NEGR1: variants seen among roughly 807,000 people sequenced by gnomAD.
The protein encoded by NEGR1 is neuronal growth regulator 1, also known as IgLON family member 4.
NEGR1 carries 10 observed loss-of-function variants against 40.9 expected under a neutral mutation model. That is an observed-to-expected ratio of 0.24 (90% CI 0.15 to 0.42). NEGR1 has a LOEUF of 0.42. Ranked by LOEUF, NEGR1 falls within the 10% of genes least tolerant of loss-of-function variation. The probability of loss-of-function intolerance (pLI) is 1.00; values close to 1 mark genes in which losing one functional copy is unlikely to be tolerated. For missense variants in NEGR1, 352 were observed against 438.9 expected, an observed-to-expected ratio of 0.80 and a Z score of 1.77; for synonymous variants, 185 against 166.8, an observed-to-expected ratio of 1.11 and a Z score of -0.84.
At chr1:71,559,021 A>G (rs357207) in intron 6 of NEGR1, among the ~76,000 whole-genome samples, 13,495 of 82,854 alleles carry the variant, frequency 0.16, 1,473 homozygotes, top group African/African-American at 0.37. Context: ...GTGTGTGTGT[A>G]TATATATATA....
chr1:71,948,015 T>A (rs1258040243), intron 1 of NEGR1, among the ~76,000 whole-genome samples: 1 of 152,162 alleles, frequency 6.6e-6, no homozygotes, highest in Non-Finnish European at 1.5e-5. Context: ...TGAGAATTAT[T>A]ATAATATAAG....
intron 1 of NEGR1, among the ~76,000 whole-genome samples, chr1:72,052,098 G>A (rs1647067337): frequency 6.6e-6 from 1 of 151,402 alleles, no homozygotes; most frequent in Non-Finnish European, 1.5e-5. Flanking sequence ...TCTTGAGAAT[G>A]ATGATAAACT....
intron 1 of NEGR1, among the ~76,000 whole-genome samples, chr1:72,046,167 C>A (rs1647000219): frequency 6.6e-6 from 1 of 151,404 alleles, no homozygotes; most frequent in Non-Finnish European, 1.5e-5. Flanking sequence ...TTAGTCCTAA[C>A]AAATATGAAT....
intron 1 of NEGR1, among the ~76,000 whole-genome samples, chr1:72,057,462 T>C (rs1647122325): frequency 1.3e-5 from 2 of 151,496 alleles, no homozygotes. Flanking sequence ...AATAGCCCTA[T>C]GATTCAATTA....
chr1:71,627,367 T>A (rs1345823211), intron 4 of NEGR1, among the ~76,000 whole-genome samples: 1 of 152,076 alleles, frequency 6.6e-6, no homozygotes, highest in Non-Finnish European at 1.5e-5. Flanking sequence ...TAACTAGGCA[T>A]TAAAATACTA....
intron 6 of NEGR1, among the ~76,000 whole-genome samples, chr1:71,549,379 T>C (rs1294712217): frequency 6.6e-6 from 1 of 151,376 alleles, no homozygotes; most frequent in Non-Finnish European, 1.5e-5. Context: ...GGAAAGAGAG[T>C]GTTATGCACT....
intron 1 of NEGR1, among the ~76,000 whole-genome samples, chr1:72,065,426 T>C (rs1647248975): frequency 6.6e-6 from 1 of 152,106 alleles, no homozygotes; most frequent in African/African-American, 2.4e-5. Context: ...CTCACAGATT[T>C]AGATGTGAAA....
chr1:71,550,360 A>T (rs567182164), intron 6 of NEGR1, among the ~76,000 whole-genome samples: 11 of 151,708 alleles, frequency 7.3e-5, no homozygotes, highest in African/African-American at 2.7e-4. Context: ...TTCCCTTATT[A>T]GGTCCCAGTG....
chr1:71,706,549 C>T (rs1049871847), intron 3 of NEGR1, among the ~76,000 whole-genome samples: 1 of 144,372 alleles, frequency 6.9e-6, no homozygotes, highest in African/African-American at 2.6e-5. Flanking sequence ...CCCCAGGCTG[C>T]CACAGTTGCT....
intron 6 of NEGR1, among the ~76,000 whole-genome samples, chr1:71,409,586 C>A (rs1217002870): frequency 1.3e-5 from 2 of 151,994 alleles, no homozygotes; most frequent in African/African-American, 4.8e-5. Flanking sequence ...TCTTTTGTGT[C>A]ATGATACCAT....
intron 1 of NEGR1, among the ~76,000 whole-genome samples, chr1:72,006,337 CT>C (rs1426483162): frequency 3.3e-5 from 5 of 152,088 alleles, no homozygotes; most frequent in Non-Finnish European, 5.9e-5. Context: ...TAGAAAAGGC[CT>C]TCTGGACCAC....
intron 5 of NEGR1, among the ~76,000 whole-genome samples, chr1:71,597,620 A>T (rs369602376): frequency 3.0e-4 from 46 of 151,418 alleles, no homozygotes; most frequent in African/African-American, 1.1e-3. Flanking sequence ...TCATACTAAA[A>T]ATTTTCAGCA....
chr1:71,417,813 T>G (rs1392895116), intron 6 of NEGR1, among the ~76,000 whole-genome samples: 1 of 152,178 alleles, frequency 6.6e-6, no homozygotes, highest in Non-Finnish European at 1.5e-5. Flanking sequence ...AATGTGTTAG[T>G]GTTTACACAA....
At chr1:71,843,412 G>T (rs1051845118) in intron 2 of NEGR1, among the ~76,000 whole-genome samples, 1 of 152,164 alleles carries the variant, frequency 6.6e-6, no homozygotes, top group Non-Finnish European at 1.5e-5. Flanking sequence ...GAGAACAGAA[G>T]TCGAGGCTAT....
At chr1:72,182,327 C>G (rs1237264071) in intron 1 of NEGR1, among the ~76,000 whole-genome samples, 1 of 152,070 alleles carries the variant, frequency 6.6e-6, no homozygotes, top group Non-Finnish European at 1.5e-5. Flanking sequence ...AACCCTGTCT[C>G]TACTGAAAAT....
chr1:72,069,555 T>G (rs1027375029), intron 1 of NEGR1, among the ~76,000 whole-genome samples: 1 of 152,172 alleles, frequency 6.6e-6, no homozygotes, highest in Non-Finnish European at 1.5e-5. Context: ...TTGATACCTG[T>G]GAAATGGATA....
At chr1:71,474,592 T>C (rs537075568) in intron 6 of NEGR1, among the ~76,000 whole-genome samples, 1 of 148,076 alleles carries the variant, frequency 6.8e-6, no homozygotes, top group East Asian at 2.0e-4. Flanking sequence ...GTGCCTATAA[T>C]CCCAGCTACT....
At chr1:71,656,161 A>C (rs995037029) in intron 4 of NEGR1, among the ~76,000 whole-genome samples, 3 of 152,240 alleles carry the variant, frequency 2.0e-5, no homozygotes, top group Non-Finnish European at 2.9e-5. Flanking sequence ...CCCACTTCCC[A>C]ATCTGCACTG....
chr1:71,505,048 T>C (rs1415181562), intron 6 of NEGR1, among the ~76,000 whole-genome samples: 1 of 152,062 alleles, frequency 6.6e-6, no homozygotes, highest in East Asian at 1.9e-4. Flanking sequence ...GACAAGTAGT[T>C]TGCAAAAAAC....
Sources: allele counts gnomAD v4.1 joint callset (sites outside exome capture counted in the v4.1 genomes callset), GRCh38; gene constraint gnomAD v4.1.1; transcripts MANE v1.5; gene names NCBI Gene and HGNC (gene_info 2026-07-23, HGNC 2026-07-21).